Variants in PDGFD observed in about 807,000 individuals in gnomAD.
The protein encoded by PDGFD is platelet-derived growth factor D.
Under a neutral mutation model 44.7 loss-of-function variants are expected in PDGFD, and 30 were observed. The ratio of observed to expected loss-of-function variants is 0.67; its 90% CI spans 0.50 to 0.91. The LOEUF (loss-of-function observed/expected upper bound fraction) is 0.91, where lower values mean the gene tolerates loss of function less well. Ranked by LOEUF, PDGFD falls within the 40% of genes least tolerant of loss-of-function variation. The pLI, the probability that PDGFD is intolerant of heterozygous loss-of-function variation, is 0.00. For missense variants in PDGFD, 445 were observed against 457.8 expected (o/e 0.97, Z 0.25); for synonymous variants, 173 against 168.4 (o/e 1.03, Z -0.21).
intron 6 of PDGFD, among the ~76,000 whole-genome samples, chr11:103,923,488 C>A (rs1250038941): frequency 6.6e-6 from 1 of 152,304 alleles, no homozygotes; most frequent in Admixed American, 6.5e-5. Flanking sequence ...GGTCTCATTA[C>A]CCCCTTAAGG....
chr11:104,103,376 C>G (rs991249206), intron 1 of PDGFD, among the ~76,000 whole-genome samples: 6 of 150,246 alleles, frequency 4.0e-5, no homozygotes, highest in African/African-American at 1.5e-4. Context: ...CCACTTATAC[C>G]TAAATCTTTC....
chr11:104,063,909 G>A (rs1860749662), intron 1 of PDGFD, among the ~76,000 whole-genome samples: 1 of 152,154 alleles, frequency 6.6e-6, no homozygotes, highest in Admixed American at 6.5e-5. Context: ...CAGCAGAGAA[G>A]GAGAGTACAG....
intron 1 of PDGFD, among the ~76,000 whole-genome samples, chr11:104,012,952 G>A (rs865822979): frequency 3.9e-5 from 6 of 152,224 alleles, no homozygotes; most frequent in Non-Finnish European, 5.9e-5. Context: ...CTGGGCCTGC[G>A]GCCCTAAATG....
At chr11:103,937,374 G>A (rs575128347) in intron 5 of PDGFD, among the ~76,000 whole-genome samples, 1 of 152,146 alleles carries the variant, frequency 6.6e-6, no homozygotes, top group East Asian at 1.9e-4. Flanking sequence ...CCTGGAATAA[G>A]AAAAAGAACA....
intron 1 of PDGFD, among the ~76,000 whole-genome samples, chr11:104,056,188 C>CAT (rs1156415318): frequency 6.6e-6 from 1 of 152,146 alleles, no homozygotes; most frequent in African/African-American, 2.4e-5. Context: ...AACACAAATA[C>CAT]ATCACATGTC....
chr11:104,065,548 T>G (rs994486687), intron 1 of PDGFD, among the ~76,000 whole-genome samples: 8 of 152,282 alleles, frequency 5.3e-5, no homozygotes, highest in African/African-American at 1.7e-4. Context: ...AAAATAAGAA[T>G]GGAATATAAA....
Position 104,060,280 on chromosome 11 carries a change from T to C in PDGFD, c.125-60025A>G, listed in dbSNP as rs188569967. 5.4e-3 allele frequency among the ~76,000 whole-genome samples: 828 copies of C among 152,308 alleles called. 15 individuals are homozygous for C. The highest frequency in any genetic ancestry group is 0.031 in the Admixed American group (481 of 15,292). ...CAGAGAGGTTCCAGGTGTCCACATA[T>C]GCTTGGGTGTAATGTCTGACTCATG... On this transcript the variant is annotated intron_variant, in intron 1 of 6. Coordinates refer to ENST00000393158, the MANE Select transcript of PDGFD (RefSeq NM_025208.5).
At chr11:104,103,712 T>C (rs546487101) in intron 1 of PDGFD, among the ~76,000 whole-genome samples, 14 of 152,044 alleles carry the variant, frequency 9.2e-5, no homozygotes, top group Admixed American at 2.6e-4. Flanking sequence ...AATGCATTAC[T>C]TACATGTTTG....
intron 1 of PDGFD, chr11:104,037,214 G>C (rs1444656170): frequency 6.2e-7 from 1 of 1,613,714 alleles, no homozygotes; most frequent in Non-Finnish European, 8.5e-7. Flanking sequence ...TTGGCGTCAG[G>C]AGAGAAGGTG....
At chr11:103,966,895 A>T (rs906419649) in intron 3 of PDGFD, among the ~76,000 whole-genome samples, 1 of 151,996 alleles carries the variant, frequency 6.6e-6, no homozygotes, top group African/African-American at 2.4e-5. Context: ...CCAAAGCTTT[A>T]TTCTCCCCAG....
intron 1 of PDGFD, among the ~76,000 whole-genome samples, chr11:104,024,395 T>C (rs969598527): frequency 6.6e-6 from 1 of 152,176 alleles, no homozygotes; most frequent in Non-Finnish European, 1.5e-5. Flanking sequence ...TTGACTGAAC[T>C]GCATATAAAT....
intron 3 of PDGFD, among the ~76,000 whole-genome samples, chr11:103,984,905 A>C (rs965358286): frequency 6.5e-5 from 9 of 137,736 alleles, no homozygotes; most frequent in African/African-American, 2.2e-4. Context: ...TAATATATTA[A>C]TTTATTTAAT....
intron 1 of PDGFD, among the ~76,000 whole-genome samples, chr11:104,007,753 T>C (rs1240933380): frequency 6.6e-6 from 1 of 152,222 alleles, no homozygotes; most frequent in Non-Finnish European, 1.5e-5. Context: ...GATCCTATAA[T>C]ATGTCATAGC....
chr11:104,037,202 G>C (rs749033349), intron 1 of PDGFD: 1 of 1,613,712 alleles, frequency 6.2e-7, no homozygotes, highest in Admixed American at 1.7e-5. Context: ...CGGTCACAGG[G>C]CTTGGCGTCA....
chr11:104,150,564 G>A (rs1436248188), intron 1 of PDGFD, among the ~76,000 whole-genome samples: 1 of 152,162 alleles, frequency 6.6e-6, no homozygotes, highest in Admixed American at 6.5e-5. Context: ...CAGTTCTGGA[G>A]ACTGGAAGTC....
At chr11:103,946,042 G>A (rs896575981) in intron 4 of PDGFD, 1 of 152,130 alleles carries the variant, frequency 6.6e-6, no homozygotes, top group Admixed American at 6.5e-5. Context: ...CTAATTTAAT[G>A]TGTCTCCTTC....
intron 1 of PDGFD, chr11:104,037,024 G>A: frequency 6.2e-7 from 1 of 1,614,234 alleles, no homozygotes; most frequent in South Asian, 1.1e-5. Context: ...CGGCCTCAAA[G>A]ATGGCGATAT....
chr11:103,972,505 G>C (rs1324262709), intron 3 of PDGFD, among the ~76,000 whole-genome samples: 1 of 152,078 alleles, frequency 6.6e-6, no homozygotes, highest in Admixed American at 6.5e-5. Context: ...GGCTGGTGTT[G>C]GTTGCTGGAA....
chr11:104,122,494 C>T (rs1344040675), intron 1 of PDGFD, among the ~76,000 whole-genome samples: 1 of 151,946 alleles, frequency 6.6e-6, no homozygotes, highest in African/African-American at 2.4e-5. Flanking sequence ...TATAAACCCC[C>T]TTGCATTTCA....
Sources: gnomAD v4.1 joint callset for allele counts (sites outside exome capture counted in the v4.1 genomes callset) on GRCh38, gnomAD v4.1.1 for gene constraint, MANE v1.5 for transcripts, NCBI Gene and HGNC (gene_info 2026-07-23, HGNC 2026-07-21) for gene names.